COL6A2: variants seen among roughly 807,000 people sequenced by gnomAD.
COL6A2 encodes the protein collagen type VI alpha 2 chain.
COL6A2 carries 90 observed loss-of-function variants against 124.9 expected under a neutral mutation model. The observed-to-expected ratio is 0.72, with a 90% CI of 0.61 to 0.86. The LOEUF (loss-of-function observed/expected upper bound fraction) is 0.86. Among genes scored for constraint, COL6A2 ranks in the 40% least tolerant of loss-of-function variants. The pLI is 0.00. For missense variants in COL6A2, 1,607 were observed against 1,502.5 expected (o/e 1.07, Z -1.15); for synonymous variants, 793 against 618.2 (o/e 1.28, Z -4.19).
At chr21:46,110,656 C>A (rs1336849797) in intron 1 of COL6A2, among the ~76,000 whole-genome samples, 1 of 152,196 alleles carries the variant, frequency 6.6e-6, no homozygotes, top group Non-Finnish European at 1.5e-5. Context: ...CCCATCTGCA[C>A]CGAGGAGAGG....
chr21:46,117,215 C>T (rs999092346), intron 10 of COL6A2, among the ~76,000 whole-genome samples, 185 bp from the exon 11 acceptor site: 4 of 152,254 alleles, frequency 2.6e-5, no homozygotes, highest in Admixed American at 2.6e-4. Flanking sequence ...TGTTCCTGCA[C>T]AACGGCCACT....
intron 27 of COL6A2, among the ~76,000 whole-genome samples, chr21:46,130,935 C>T (rs2839119): frequency 0.086 from 13,058 of 152,274 alleles, 533 homozygotes; most frequent in African/African-American, 0.1. Context: ...GTGAAGGCTG[C>T]GGTGCAGCGT....
At chr21:46,101,368 C>A (rs1412376515) in intron 1 of COL6A2, among the ~76,000 whole-genome samples, 1 of 152,134 alleles carries the variant, frequency 6.6e-6, no homozygotes, top group African/African-American at 2.4e-5. Context: ...TCTTTTTACT[C>A]TGTTAATGAT....
intron 21 of COL6A2, among the ~76,000 whole-genome samples, chr21:46,123,437 C>G (rs954240263): frequency 6.6e-6 from 1 of 152,064 alleles, no homozygotes; most frequent in African/African-American, 2.4e-5. Context: ...AATCCCTAGC[C>G]TGGCCAAGGG....
chr21:46,110,393 G>A (rs955445753), intron 1 of COL6A2, among the ~76,000 whole-genome samples: 1 of 152,070 alleles, frequency 6.6e-6, no homozygotes, highest in East Asian at 1.9e-4. Context: ...AAAATGAATT[G>A]GGAAAAAGTT....
In COL6A2 at chr21:46,122,246, C is replaced by T. The variant is rs978790984; in HGVS notation, c.1572+88C>T. 1.4e-5 allele frequency: 21 copies of T among 1,452,450 alleles called. No individual in the cohort carries two copies. In the African/African-American group the frequency reaches 1.5e-4, roughly 11 times the overall value. 90.0% of individuals were successfully genotyped at this position (1,452,450 alleles called of 1,614,324 possible). A position where few individuals can be genotyped will look rare whatever the true frequency, so the allele number is the denominator to read the frequency against. ...AGATTCCTAGTAGTTCCCTCAAGGC[C>T]TCCTCTGTGCAGAAGAAAGTGTGAG... On this transcript the variant is annotated intron_variant, in intron 19 of 27. Transcript: ENST00000300527.
chr21:46,126,900 G>A (rs901080391), intron 27 of COL6A2, among the ~76,000 whole-genome samples: 4 of 152,178 alleles, frequency 2.6e-5, no homozygotes, highest in African/African-American at 9.7e-5. Flanking sequence ...CCACTCGGAG[G>A]AAGCCCTGGA....
chr21:46,131,933 C>G lies in COL6A2; in HGVS notation c.2462-21C>G, dbSNP rs375657995. ...CTGCCCACCTCCCCTCCGCCCAGCC[C>G]GCACCTGCGTCTCCCCACAGAGCTG... is the stretch of plus-strand genomic sequence containing the variant. On this transcript the variant is annotated intron_variant, in intron 27 of 27. Coordinates refer to ENST00000300527, the MANE Select transcript of COL6A2 (RefSeq NM_001849.4). 5.7e-6 allele frequency: 9 copies of G among 1,573,556 alleles called. No individual in the cohort carries two copies. The South Asian group carries it at 9.2e-5, about 16-fold the overall frequency.
rs370171967 is a variant in COL6A2 at position 46,112,002 on chromosome 21, G to A, written c.139G>A (p.Val47Met). Residue 47 changes from valine to methionine, a missense_variant, in exon 3 of 28, where the codon GTG becomes ATG. This residue lies in a region of COL6A2 where 342 missense variants were observed against 381.5 expected (regional missense o/e 0.90). Coordinates refer to ENST00000300527, the MANE Select transcript of COL6A2 (RefSeq NM_001849.4). ...CPEKTDCPIH[V>M]YFVLDTSESV... ...AGAGAAGACCGACTGCCCCATCCAC[G>A]TGTACTTCGTGCTGGACACCTCGGA... 62 of 1,612,240 alleles carry A rather than the reference G, an allele frequency of 3.8e-5. 1 individual carries two copies. In the Admixed American group the frequency reaches 8.3e-4, roughly 22 times the overall value.
intron 1 of COL6A2, among the ~76,000 whole-genome samples, chr21:46,106,717 A>G (rs899237830): frequency 2.0e-5 from 3 of 152,156 alleles, no homozygotes; most frequent in African/African-American, 4.8e-5. Context: ...CCACCATGTC[A>G]TAGCCTAAGT....
chr21:46,122,778 C>T (rs1456300329), intron 20 of COL6A2, 97 bp from the exon 21 acceptor site: 4 of 1,319,244 alleles, frequency 3.0e-6, no homozygotes, highest in South Asian at 1.2e-5. Context: ...TAAAGGACCC[C>T]AAAATGCCAG....
Position 46,116,579 on chromosome 21 carries a change from C to T in COL6A2, c.928-72C>T. On this transcript the variant is annotated intron_variant, in intron 8 of 27. Coordinates refer to ENST00000300527, the MANE Select transcript of COL6A2 (RefSeq NM_001849.4). This position sits in a 1 kb window ranked among gnomAD's most constrained non-coding sequence, Gnocchi z 4.6. ...CCTTGAGTTTGGCCCAAGGGCTTTG[C>T]CCCCCAGAGGCAGCAGTGCCCATGA... The T allele has an allele frequency of 3.1e-6, 5 of 1,605,606 alleles. No individual in the cohort carries two copies. Among genetic ancestry groups the T allele is most frequent in the South Asian group, 1.1e-5 (1 of 90,856 alleles).
rs748865741 is a variant in COL6A2, at chr21:46,122,463, G to A, written c.1573-33G>A. ...GGAGGAAGGAGCACTGGGATCTGAG[G>A]CTGAGTCACCCTGGCTTCTGTTTGC... On this transcript the variant is annotated intron_variant, in intron 19 of 27. Coordinates refer to ENST00000300527, the MANE Select transcript of COL6A2 (RefSeq NM_001849.4). The A allele has an allele frequency of 6.2e-6, 10 of 1,612,882 alleles. No homozygotes were observed. The Admixed American group carries it at 6.7e-5, about 11-fold the overall frequency.
At chr21:46,099,018 G>C (rs1009292344) in intron 1 of COL6A2, 1 of 152,378 alleles carries the variant, frequency 6.6e-6, no homozygotes, top group African/African-American at 2.4e-5. Context: ...CCCGCGCCTA[G>C]GACGCCCCTG....
At position 46,125,479 on chromosome 21, in the gene COL6A2, T is replaced by C. The variant is rs794727399; in HGVS notation, c.1831T>C (p.Cys611Arg). ...TCGCCDCEKR[C>R]GALDVVFVID... The stretch of plus-strand genomic sequence containing the variant: ...CACCCCCCCAGACTGTGAGAAGCGC[T>C]GTGGCGCCCTGGACGTGGTCTTCGT... Residue 611 changes from cysteine to arginine, a missense_variant, in exon 25 of 28, where the codon TGT (cysteine) becomes CGT (arginine). By Grantham distance (180) the Cys-to-Arg change is radical. This residue lies in a region of COL6A2 where 1,223 missense variants were observed against 1,052.2 expected (regional missense o/e 1.16). Coordinates refer to ENST00000300527, the MANE Select transcript of COL6A2 (RefSeq NM_001849.4). 5.0e-6 allele frequency: 8 copies of C among 1,611,600 alleles called. No individual in the cohort carries two copies. The highest frequency in any genetic ancestry group is 6.8e-6 in the Non-Finnish European group (8 of 1,178,896).
intron 27 of COL6A2, 26 bp downstream of exon 27, chr21:46,126,567 A>G (rs2078672984): frequency 6.2e-7 from 1 of 1,612,692 alleles, no homozygotes; most frequent in African/African-American, 1.3e-5. Context: ...CTGAGCCACC[A>G]CCCCAGACTA....
In COL6A2 at chr21:46,132,060, G is replaced by A. The variant is rs2123454687; in HGVS notation, c.2568G>A (p.Val856=). The change falls in exon 28 of 28, where the codon GTG becomes GTA. Residue 856 remains valine (V), a synonymous_variant. Coordinates refer to ENST00000300527, the MANE Select transcript of COL6A2 (RefSeq NM_001849.4). ...ACTTCCACAAGGCCCGGCGCTTCGTGGAGCAGGTGGCGCGGCGGCTGACGC... is the reference window on the plus strand; with the variant it reads ...ACTTCCACAAGGCCCGGCGCTTCGTAGAGCAGGTGGCGCGGCGGCTGACGC... ...EQNFHKARRF[V]EQVARRLTLA... 6.2e-7 allele frequency: 1 copy of A among 1,606,540 alleles called. No homozygotes were observed. The highest frequency in any genetic ancestry group is 1.7e-4 in the Middle Eastern group (1 of 6,052).
Position 46,112,483 on chromosome 21 carries a change from C to CGCCGCACGAGCTCT in COL6A2, c.621_634dup (p.Tyr212CysfsTer32). ...CAGGGCCTGCGGGACATCGCCAGCA[C>CGCCGCACGAGCTCT]GCCGCACGAGCTCTACCGCAACGAC... On this transcript the variant is annotated frameshift_variant, in exon 3 of 28. Coordinates refer to ENST00000300527, the MANE Select transcript of COL6A2 (RefSeq NM_001849.4). LOFTEE classifies it high-confidence loss of function. 1 of 1,611,318 alleles carries CGCCGCACGAGCTCT rather than the reference C, an allele frequency of 6.2e-7. No homozygotes were observed. The highest frequency in any genetic ancestry group is 8.5e-7 in the Non-Finnish European group (1 of 1,179,790).
intron 1 of COL6A2, among the ~76,000 whole-genome samples, chr21:46,099,672 G>A (rs1483123259): frequency 1.3e-5 from 2 of 152,106 alleles, no homozygotes; most frequent in Non-Finnish European, 2.9e-5. Flanking sequence ...GGCTGGGACG[G>A]GGCTGCCCAG....
Sources: allele counts gnomAD v4.1 joint callset (sites outside exome capture counted in the v4.1 genomes callset), GRCh38; gene constraint gnomAD v4.1.1; regional missense constraint gnomAD v4.1.1; non-coding constraint Gnocchi (gnomAD v3.1); transcripts MANE v1.5; gene names NCBI Gene and HGNC (gene_info 2026-07-23, HGNC 2026-07-21).